The following NEGR1 variants were observed in gnomAD, a reference collection of about 807,000 sequenced individuals.
NEGR1 encodes IgLON family member 4.
Under a neutral mutation model 40.9 loss-of-function variants are expected in NEGR1, and 10 were observed. The ratio of observed to expected loss-of-function variants is 0.24; its 90% CI spans 0.15 to 0.42. The LOEUF is 0.42. Ranked by LOEUF, NEGR1 falls within the 10% of genes least tolerant of loss-of-function variation. NEGR1 has a pLI of 1.00. For synonymous variants in NEGR1, 185 were observed against 166.8 expected, an observed-to-expected ratio of 1.11 and a Z score of -0.84; for missense variants, 352 against 438.9, an observed-to-expected ratio of 0.80 and a Z score of 1.77.
At chr1:71,628,370 C>A (rs940155975) in intron 4 of NEGR1, among the ~76,000 whole-genome samples, 5 of 151,912 alleles carry the variant, frequency 3.3e-5, no homozygotes, top group Admixed American at 3.3e-4. Flanking sequence ...TGCATTATGT[C>A]CATAAAATAT....
chr1:71,947,071 G>C (rs966773743), intron 1 of NEGR1, among the ~76,000 whole-genome samples: 2 of 146,264 alleles, frequency 1.4e-5, no homozygotes, highest in Admixed American at 1.4e-4. Flanking sequence ...CTGGGCAACA[G>C]AGCCAGATCC....
chr1:71,832,736 G>A (rs1263474219), intron 2 of NEGR1, among the ~76,000 whole-genome samples: 1 of 151,948 alleles, frequency 6.6e-6, no homozygotes, highest in Non-Finnish European at 1.5e-5. Context: ...CAAAGTCAAG[G>A]CCCAATTAGG....
At chr1:71,681,001 G>T (rs1652820574) in intron 4 of NEGR1, among the ~76,000 whole-genome samples, 1 of 152,212 alleles carries the variant, frequency 6.6e-6, no homozygotes, top group Admixed American at 6.5e-5. Context: ...AAATAAGGCT[G>T]TGGGTCCAGG....
chr1:72,202,815 C>G (rs1407616625), intron 1 of NEGR1, among the ~76,000 whole-genome samples: 1 of 152,014 alleles, frequency 6.6e-6, no homozygotes, highest in Non-Finnish European at 1.5e-5. Flanking sequence ...GAAGCCAATG[C>G]TCATTTATCA....
chr1:72,012,540 T>A (rs187411948), intron 1 of NEGR1, among the ~76,000 whole-genome samples: 47 of 152,166 alleles, frequency 3.1e-4, no homozygotes, highest in Admixed American at 1.1e-3. Flanking sequence ...TTGGACATCA[T>A]CCAATCAAGT....
intron 2 of NEGR1, among the ~76,000 whole-genome samples, chr1:71,825,332 GT>G (rs1477503999): frequency 6.6e-6 from 1 of 151,842 alleles, no homozygotes; most frequent in Non-Finnish European, 1.5e-5. Flanking sequence ...ATTCTCCTCT[GT>G]TTTTAATAGG....
chr1:72,168,135 T>A (rs1249398593), intron 1 of NEGR1, among the ~76,000 whole-genome samples: 2 of 152,108 alleles, frequency 1.3e-5, no homozygotes, highest in African/African-American at 4.8e-5. Flanking sequence ...TGTCTCAGTC[T>A]ACCAAGTTGC....
chr1:72,193,757 A>T (rs969305361), intron 1 of NEGR1, among the ~76,000 whole-genome samples: 16 of 151,558 alleles, frequency 1.1e-4, no homozygotes, highest in Non-Finnish European at 8.9e-5. Flanking sequence ...GTATATTTTT[A>T]AAAATATAAA....
At chr1:71,479,636 T>C (rs1045214744) in intron 6 of NEGR1, among the ~76,000 whole-genome samples, 2 of 152,042 alleles carry the variant, frequency 1.3e-5, no homozygotes, top group African/African-American at 4.8e-5. Flanking sequence ...ACTTTGCTTC[T>C]GGGAAACTGT....
chr1:71,705,795 GAAAA>G (rs1557621240), intron 3 of NEGR1, among the ~76,000 whole-genome samples: 1 of 148,642 alleles, frequency 6.7e-6, no homozygotes, highest in Non-Finnish European at 1.5e-5. Flanking sequence ...GAAAGGAAAA[GAAAA>G]GAAAAGAGAG....
In NEGR1 at chr1:71,776,072, A is replaced by T. The variant is rs561566901; in HGVS notation, c.535+100T>A. 198 of 664,140 alleles carry T rather than the reference A, an allele frequency of 3.0e-4. 2 individuals carry two copies. In the African/African-American group the frequency reaches 3.6e-3, roughly 12 times the overall value. 41.1% of individuals were successfully genotyped at this position (664,140 alleles called of 1,614,324 possible). ...TCTGCCTACCGCATGAATAAAATACAAAAAATTAAGTTGACTCTTAAGTTC... is the reference window on the plus strand; with the variant it reads ...TCTGCCTACCGCATGAATAAAATACTAAAAATTAAGTTGACTCTTAAGTTC... On this transcript the variant is annotated intron_variant, in intron 3 of 6. Transcript: ENST00000357731.
At chr1:72,262,484 T>C (rs1437444022) in intron 1 of NEGR1, among the ~76,000 whole-genome samples, 1 of 152,026 alleles carries the variant, frequency 6.6e-6, no homozygotes, top group African/African-American at 2.4e-5. Context: ...TCCACTTGTT[T>C]ACCTGACGTA....
At chr1:71,762,373 G>T (rs58841884) in intron 3 of NEGR1, among the ~76,000 whole-genome samples, 7 of 151,690 alleles carry the variant, frequency 4.6e-5, no homozygotes, top group African/African-American at 1.7e-4. Context: ...AAATAGAGAG[G>T]TTGGCAAAGC....
At chr1:72,087,294 G>T (rs2100537878) in intron 1 of NEGR1, among the ~76,000 whole-genome samples, 1 of 152,132 alleles carries the variant, frequency 6.6e-6, no homozygotes, top group Admixed American at 6.5e-5. Context: ...AGCCAGGCAA[G>T]GTGGCGCGGA....
intron 4 of NEGR1, among the ~76,000 whole-genome samples, chr1:71,643,177 C>T (rs1651413714): frequency 6.6e-6 from 1 of 151,896 alleles, no homozygotes; most frequent in African/African-American, 2.4e-5. Context: ...AATATTTGCC[C>T]TTATCCTCTC....
At chr1:71,531,775 C>G (rs1647363402) in intron 6 of NEGR1, among the ~76,000 whole-genome samples, 1 of 151,292 alleles carries the variant, frequency 6.6e-6, no homozygotes, top group Non-Finnish European at 1.5e-5. Flanking sequence ...TATAATTTGA[C>G]CAGAAAGTGT....
chr1:71,586,236 A>G (rs1439058884), intron 6 of NEGR1, among the ~76,000 whole-genome samples: 1 of 152,122 alleles, frequency 6.6e-6, no homozygotes, highest in Non-Finnish European at 1.5e-5. Flanking sequence ...TCTCTGACTC[A>G]TCCTATTTGG....
At chr1:71,802,024 C>T (rs1280228672) in intron 2 of NEGR1, among the ~76,000 whole-genome samples, 1 of 152,134 alleles carries the variant, frequency 6.6e-6, no homozygotes, top group Non-Finnish European at 1.5e-5. Context: ...ACTGTTCATG[C>T]TATGAAGTGG....
intron 3 of NEGR1, among the ~76,000 whole-genome samples, chr1:71,711,361 A>AAAG (rs1249246520): frequency 6.0e-5 from 9 of 150,176 alleles, no homozygotes; most frequent in African/African-American, 2.2e-4. Context: ...AAAAAAAAAA[A>AAAG]AAGAAGAAGA....
Sources: gnomAD v4.1 joint callset for allele counts (sites outside exome capture counted in the v4.1 genomes callset) on GRCh38, gnomAD v4.1.1 for gene constraint, MANE v1.5 for transcripts, NCBI Gene and HGNC (gene_info 2026-07-23, HGNC 2026-07-21) for gene names.